Variants in GABRG1 observed in about 807,000 individuals in gnomAD.
GABRG1 encodes the protein gamma-aminobutyric acid type A receptor subunit gamma1, also known as gamma-aminobutyric acid receptor subunit gamma-1.
GABRG1 carries 49 observed loss-of-function variants against 49.8 expected under a neutral mutation model. That is an observed-to-expected ratio of 0.98 (90% confidence interval 0.78 to 1.25). GABRG1 has a LOEUF of 1.25. Ranked by LOEUF, GABRG1 falls within the 50% of genes most tolerant of loss-of-function variation. The pLI is 0.00. For missense variants in GABRG1, 552 were observed against 552.3 expected (o/e 1.00, Z 0.01); for synonymous variants, 232 against 185.1 (o/e 1.25, Z -2.06).
chr4:46,097,911 T>A (rs1720235107), intron 1 of GABRG1, among the ~76,000 whole-genome samples: 1 of 151,780 alleles, frequency 6.6e-6, no homozygotes, highest in Admixed American at 6.6e-5. Context: ...AGCCATCTTT[T>A]TCCAAGAACT....
At chr4:46,095,991 T>C (rs1181513227) in intron 2 of GABRG1, among the ~76,000 whole-genome samples, 2 of 151,770 alleles carry the variant, frequency 1.3e-5, no homozygotes, top group Non-Finnish European at 2.9e-5. Context: ...CCACCCAGTG[T>C]CTGTTATTCC....
chr4:46,078,358 C>T (rs191390997), intron 3 of GABRG1, among the ~76,000 whole-genome samples: 16 of 152,100 alleles, frequency 1.1e-4, no homozygotes, highest in African/African-American at 3.9e-4. Flanking sequence ...AGAATTGCCT[C>T]TTTCCAGTTA....
chr4:46,109,033 C>G (rs774819768), intron 1 of GABRG1, among the ~76,000 whole-genome samples: 1 of 150,866 alleles, frequency 6.6e-6, no homozygotes, highest in African/African-American at 2.4e-5. Flanking sequence ...GAGGGTTTTC[C>G]ATATCTCTTA....
At chr4:46,105,709 C>A (rs113588562) in intron 1 of GABRG1, among the ~76,000 whole-genome samples, 1,621 of 150,240 alleles carry the variant, frequency 0.011, 11 homozygotes, top group Non-Finnish European at 0.018. Flanking sequence ...GACACATAAT[C>A]CTCCAATTTT....
chr4:46,108,210 T>C (rs547054768), intron 1 of GABRG1, among the ~76,000 whole-genome samples: 7 of 151,084 alleles, frequency 4.6e-5, no homozygotes, highest in Non-Finnish European at 8.9e-5. Flanking sequence ...ATTGATACTC[T>C]TTTCATGCAC....
At position 46,056,151 on chromosome 4, in the gene GABRG1, T is replaced by TAAAAAAAAAA. The variant is rs1182116080; in HGVS notation, c.916+2056_916+2065dup. ...AAAAAAAAAAAATAAATAAATAAATTAAAAAAAAAAAAAAAAAAAAAAAAA... is the reference window on the plus strand; with the variant it reads ...AAAAAAAAAAAATAAATAAATAAATTAAAAAAAAAAAAAAAAAAAAAAAAAAAAAAAAAAA... On this transcript the variant is annotated intron_variant, in intron 7 of 8. Transcript: ENST00000295452. Among the ~76,000 whole-genome samples the TAAAAAAAAAA allele has an allele frequency of 1.3e-3, 12 of 9,138 alleles. 1 individual carries two copies. Among genetic ancestry groups the TAAAAAAAAAA allele is most frequent in the African/African-American group, 1.9e-3 (2 of 1,028 alleles). The allele number at this position is 9,138 out of a possible 152,430, so 6.0% of individuals were successfully genotyped here.
rs778898204 is a variant in GABRG1, at chr4:46,058,200, AATATTAC to A, written c.916+10_916+16del. On this transcript the variant is annotated intron_variant, in intron 7 of 8. Coordinates refer to ENST00000295452, the MANE Select transcript of GABRG1 (RefSeq NM_173536.4). Reference sequence around the variant, plus strand: ...TTAAAGTTCTATGGCATTATAGCATAATATTACATGTCATACCCAACGATGTTCTTGC... The same window carrying A: ...TTAAAGTTCTATGGCATTATAGCATAATGTCATACCCAACGATGTTCTTGC... 79 of 1,597,884 alleles carry A rather than the reference AATATTAC, an allele frequency of 4.9e-5. No individual in the cohort carries two copies. Among genetic ancestry groups the A allele is most frequent in the Non-Finnish European group, 6.1e-5 (72 of 1,173,774 alleles).
chr4:46,049,629 A>G (rs1718136676), intron 8 of GABRG1, among the ~76,000 whole-genome samples: 1 of 151,956 alleles, frequency 6.6e-6, no homozygotes, highest in South Asian at 2.1e-4. Flanking sequence ...CTAAATTTGA[A>G]AGACTTAACA....
At chr4:46,068,309 G>T (rs1054362007) in intron 3 of GABRG1, among the ~76,000 whole-genome samples, 2 of 152,144 alleles carry the variant, frequency 1.3e-5, no homozygotes, top group Non-Finnish European at 2.9e-5. Context: ...TAGAGGGAAT[G>T]TAATGCTACT....
chr4:46,106,076 A>G (rs1720537989), intron 1 of GABRG1, among the ~76,000 whole-genome samples: 1 of 151,492 alleles, frequency 6.6e-6, no homozygotes, highest in Admixed American at 6.6e-5. Context: ...AGCAATCAAC[A>G]GGCAGGCTGC....
At chr4:46,084,693 G>A (rs899973428) in intron 2 of GABRG1, among the ~76,000 whole-genome samples, 5 of 151,490 alleles carry the variant, frequency 3.3e-5, no homozygotes, top group African/African-American at 4.8e-5. Flanking sequence ...TATTGCATAC[G>A]TATTTAATAA....
chr4:46,108,930 A>G (rs1436805599), intron 1 of GABRG1, among the ~76,000 whole-genome samples: 2 of 151,094 alleles, frequency 1.3e-5, no homozygotes, highest in East Asian at 3.9e-4. Flanking sequence ...CATTGATAAC[A>G]TAGTCTATTA....
chr4:46,080,431 CT>C (rs1207396879), intron 3 of GABRG1, among the ~76,000 whole-genome samples: 1 of 151,744 alleles, frequency 6.6e-6, no homozygotes, highest in East Asian at 1.9e-4. Flanking sequence ...CAATGCTTTT[CT>C]TTTTAATAAA....
At chr4:46,103,197 G>A (rs970121895) in intron 1 of GABRG1, among the ~76,000 whole-genome samples, 2 of 151,562 alleles carry the variant, frequency 1.3e-5, no homozygotes, top group African/African-American at 2.4e-5. Flanking sequence ...TAAGGTGCCT[G>A]AGGAATGTGA....
chr4:46,089,578 T>C (rs139324044), intron 2 of GABRG1, among the ~76,000 whole-genome samples: 1 of 152,138 alleles, frequency 6.6e-6, no homozygotes, highest in Admixed American at 6.6e-5. Context: ...TGTCTTTTAA[T>C]CTGGATATTA....
At position 46,041,063 on chromosome 4, in the gene GABRG1, A is replaced by G; in HGVS notation, c.1323T>C (p.Ser441=). The change falls in exon 9 of 9, where the codon TCT becomes TCC. Residue 441 remains serine (S), a synonymous_variant. Transcript: ENST00000295452. ...RIHIRIAKID[S]YSRIFFPTAF... The stretch of plus-strand genomic sequence containing the variant: ...CGGTTGGGAAAAATATTCTAGAATA[A>G]GAGTCAATTTTGGCAATGCGTATGT... The G allele has an allele frequency of 5.0e-6, 8 of 1,613,052 alleles. No individual in the cohort carries two copies. Among genetic ancestry groups the G allele is most frequent in the Non-Finnish European group, 6.8e-6 (8 of 1,179,342 alleles).
At chr4:46,118,083 T>C (rs561160088) in intron 1 of GABRG1, among the ~76,000 whole-genome samples, 6 of 142,168 alleles carry the variant, frequency 4.2e-5, no homozygotes, top group South Asian at 2.1e-4. Flanking sequence ...TGTATATATA[T>C]ACATATGTAT....
intron 8 of GABRG1, 27 bp downstream of exon 8, chr4:46,051,395 TAA>T: frequency 2.0e-6 from 3 of 1,513,424 alleles, no homozygotes; most frequent in Non-Finnish European, 2.7e-6. Context: ...TTGAGGTTTA[TAA>T]AATAGAAATT....
chr4:46,076,622 T>C (rs1213295597), intron 3 of GABRG1, among the ~76,000 whole-genome samples: 5 of 151,508 alleles, frequency 3.3e-5, no homozygotes, highest in Non-Finnish European at 5.9e-5. Context: ...ACATTTATGA[T>C]AGTCATGAGC....
Sources: gnomAD v4.1 joint callset for allele counts (sites outside exome capture counted in the v4.1 genomes callset) on GRCh38, gnomAD v4.1.1 for gene constraint, MANE v1.5 for transcripts, NCBI Gene and HGNC (gene_info 2026-07-23, HGNC 2026-07-21) for gene names.